PDE10A: variants seen among roughly 807,000 people sequenced by gnomAD.
PDE10A encodes the protein phosphodiesterase 10A.
PDE10A carries 39 observed loss-of-function variants against 97.7 expected under a neutral mutation model. That is an observed-to-expected ratio of 0.40 (90% CI 0.31 to 0.52). The LOEUF (loss-of-function observed/expected upper bound fraction) is 0.52. Among genes scored for constraint, PDE10A ranks in the 20% least tolerant of loss-of-function variants. PDE10A has a pLI of 0.56. For synonymous variants in PDE10A, 371 were observed against 376.8 expected (o/e 0.98, Z 0.18); for missense variants, 731 against 1,047.8 (o/e 0.70, Z 4.17).
At chr6:165,754,348 A>G (rs1055936185) in intron 1 of PDE10A, 9 of 152,176 alleles carry the variant, frequency 5.9e-5, no homozygotes, top group African/African-American at 2.2e-4. Context: ...AAAACAGACT[A>G]CAACAAATCA....
intron 1 of PDE10A, among the ~76,000 whole-genome samples, chr6:165,639,949 G>C (rs1033386408): frequency 3.3e-5 from 5 of 151,678 alleles, no homozygotes; most frequent in African/African-American, 1.2e-4. Context: ...GCACACCTGT[G>C]GTCCCGACGA....
rs143735688 is a variant in PDE10A, at chr6:165,505,112, G to A, written c.995-22769C>T. On this transcript the variant is annotated intron_variant, in intron 2 of 21. Transcript: ENST00000539869. ...TAGCTCTGCCTAGAGATGATCCCTC[G>A]AGTCCTTCTAATGATTTTGTAAGTC... Among the ~76,000 whole-genome samples, 300 of 152,216 alleles carry A rather than the reference G, an allele frequency of 2.0e-3. 1 individual carries two copies. The highest frequency in any genetic ancestry group is 6.8e-3 in the African/African-American group (281 of 41,546).
Position 165,448,910 on chromosome 6 carries a change from C to T in PDE10A, c.1194+18G>A. 1 of 1,566,054 alleles carries T rather than the reference C, an allele frequency of 6.4e-7. No homozygotes were observed. The highest frequency in any genetic ancestry group is 8.8e-7 in the Non-Finnish European group (1 of 1,142,792). ...ATTTTCTTATCTAGAGCACCAAAAT[C>T]TAAATTTAGATACTTACATTATTGC... On this transcript the variant is annotated intron_variant, in intron 5 of 21. Transcript: ENST00000539869.
At chr6:165,872,124 C>T (rs1249343950) in intron 1 of PDE10A, among the ~76,000 whole-genome samples, 3 of 152,108 alleles carry the variant, frequency 2.0e-5, no homozygotes, top group African/African-American at 7.2e-5. Flanking sequence ...TAGAGCATGC[C>T]TTTATGAAAC....
rs531287079 is a variant in PDE10A at position 165,623,788 on chromosome 6, G to C, written c.865+38159C>G. ...GTCCTTTTAGAAACACTCTCTTCCT[G>C]ACCCCAATCATGAATATGTCCCCAG... On this transcript the variant is annotated intron_variant, in intron 1 of 21. Transcript: ENST00000539869. Among the ~76,000 whole-genome samples, 9 of 151,604 alleles carry C rather than the reference G, an allele frequency of 5.9e-5. No homozygotes were observed. In the East Asian group the frequency reaches 1.7e-3, roughly 29 times the overall value.
chr6:165,633,861 T>C (rs1788749764), intron 1 of PDE10A, among the ~76,000 whole-genome samples: 1 of 151,948 alleles, frequency 6.6e-6, no homozygotes, highest in African/African-American at 2.4e-5. Context: ...GTCTTGAGAA[T>C]AATTTTATTT....
intron 2 of PDE10A, among the ~76,000 whole-genome samples, chr6:165,484,091 T>G (rs1779759418): frequency 6.6e-6 from 1 of 152,236 alleles, no homozygotes; most frequent in Non-Finnish European, 1.5e-5. Flanking sequence ...TCTAGTATAT[T>G]TAAGAACTAT....
chr6:165,800,725 G>A (rs1778960628), intron 1 of PDE10A, among the ~76,000 whole-genome samples: 1 of 152,224 alleles, frequency 6.6e-6, no homozygotes, highest in South Asian at 2.1e-4. Flanking sequence ...CGATGGGCAA[G>A]GTACGACTAC....
At chr6:165,658,405 T>C (rs943968187) in intron 1 of PDE10A, among the ~76,000 whole-genome samples, 3 of 152,196 alleles carry the variant, frequency 2.0e-5, no homozygotes, top group African/African-American at 7.2e-5. Context: ...GCTAACTTTC[T>C]CAGTATCCTC....
At chr6:165,890,619 G>A (rs943265660) in intron 1 of PDE10A, among the ~76,000 whole-genome samples, 1 of 152,108 alleles carries the variant, frequency 6.6e-6, no homozygotes, top group Non-Finnish European at 1.5e-5. Context: ...GTGCCCCTAC[G>A]TTTCTCAGTG....
At chr6:165,476,061 C>G (rs16897912) in intron 3 of PDE10A, among the ~76,000 whole-genome samples, 10,075 of 151,188 alleles carry the variant, frequency 0.067, 502 homozygotes, top group East Asian at 0.25. Flanking sequence ...AGTAAACAGA[C>G]ATAAGGATAA....
rs1790371058 is a variant in PDE10A, at chr6:165,663,009, C to T, written c.-198G>A. Among the ~76,000 whole-genome samples the T allele has an allele frequency of 6.6e-6, 1 of 151,468 alleles. No individual in the cohort carries two copies. The highest frequency in any genetic ancestry group is 1.5e-5 in the Non-Finnish European group (1 of 67,764). On this transcript the variant is annotated 5_prime_UTR_variant, in exon 1 of 22. Coordinates refer to ENST00000539869, the MANE Select transcript of PDE10A (RefSeq NM_001385079.1). The stretch of plus-strand genomic sequence containing the variant: ...GCTCGGCTTGGGTTGCGGGAGGACC[C>T]GGGCCTGGGGGCCAGGCCCCGGCGA...
intron 1 of PDE10A, among the ~76,000 whole-genome samples, chr6:165,796,983 T>A (rs542571215): frequency 6.6e-6 from 1 of 152,342 alleles, no homozygotes; most frequent in African/African-American, 2.4e-5. Flanking sequence ...TAGGTATAAA[T>A]AGAATAACCC....
At chr6:165,545,753 C>T (rs748746451) in intron 1 of PDE10A, among the ~76,000 whole-genome samples, 4 of 151,848 alleles carry the variant, frequency 2.6e-5, no homozygotes, top group Non-Finnish European at 5.9e-5. Flanking sequence ...TAAAAAAAAA[C>T]TGACAGTACC....
chr6:165,537,606 TATG>T (rs1411374110), intron 2 of PDE10A, among the ~76,000 whole-genome samples: 18 of 152,114 alleles, frequency 1.2e-4, no homozygotes, highest in Non-Finnish European at 2.2e-4. Context: ...GATCCATCTT[TATG>T]ATAATGTGAA....
In PDE10A at chr6:165,836,313, C is replaced by T. The variant is rs181214696; in HGVS notation, c.-615+151216G>A. ...TTTGAGGGTACTTCTACCTTTCTTCCGAGTGACAAGAGTCTAGCGCCCACT... is the reference window on the plus strand; with the variant it reads ...TTTGAGGGTACTTCTACCTTTCTTCTGAGTGACAAGAGTCTAGCGCCCACT... On this transcript the variant is annotated intron_variant, in intron 1 of 19. Coordinates refer to the PDE10A transcript ENST00000366882. 3.3e-5 allele frequency among the ~76,000 whole-genome samples: 5 copies of T among 152,300 alleles called. No individual in the cohort carries two copies. The East Asian group carries it at 5.8e-4, about 18-fold the overall frequency.
At chr6:165,857,557 T>C (rs1478809438) in intron 1 of PDE10A, among the ~76,000 whole-genome samples, 1 of 152,160 alleles carries the variant, frequency 6.6e-6, no homozygotes, top group African/African-American at 2.4e-5. Context: ...GACACCGGCA[T>C]CCTTTGAGGT....
intron 1 of PDE10A, 131 bp from the exon 2 acceptor site, chr6:165,543,699 G>T: frequency 4.7e-6 from 3 of 637,970 alleles, no homozygotes; most frequent in Non-Finnish European, 7.5e-6. Flanking sequence ...TGGAAAGAGC[G>T]GGAAGGGGAA....
Position 165,432,984 on chromosome 6 carries a change from C to G in PDE10A, c.1481G>C (p.Ser494Thr). Residue 494 changes from serine to threonine, a missense_variant, in exon 7 of 22, where the codon AGT becomes ACT. Ser to Thr is a moderately conservative substitution (Grantham distance 58, BLOSUM62 1). Coordinates refer to ENST00000539869, the MANE Select transcript of PDE10A (RefSeq NM_001385079.1). Reference protein sequence around the residue: ...RHWGKEAFCLSHQEVATANLA... With the variant: ...RHWGKEAFCLTHQEVATANLA... ...ATTTAAAGGCCTTACCTCCTGGTGA[C>G]TAAGACAGAAGGCTTCTTTGCCCCA... 1 of 1,613,750 alleles carries G rather than the reference C, an allele frequency of 6.2e-7. No individual in the cohort carries two copies. Among genetic ancestry groups the G allele is most frequent in the African/African-American group, 1.3e-5 (1 of 75,016 alleles).
Sources: gnomAD v4.1 joint callset for allele counts (sites outside exome capture counted in the v4.1 genomes callset) on GRCh38, gnomAD v4.1.1 for gene constraint, MANE v1.5 for transcripts, NCBI Gene and HGNC (gene_info 2026-07-23, HGNC 2026-07-21) for gene names.